CBR4: variants seen among roughly 807,000 people sequenced by gnomAD.
CBR4 encodes 3-oxoacyl-[acyl-carrier-protein] reductase.
In CBR4, 22 loss-of-function variants were observed where a neutral mutation model predicts 21.0. That is an observed-to-expected ratio of 1.05 (90% CI 0.75 to 1.50). The LOEUF is 1.50. Ranked by LOEUF, CBR4 falls within the 40% of genes most tolerant of loss-of-function variation. The probability of loss-of-function intolerance (pLI) is 0.00; values close to 1 mark genes in which losing one functional copy is unlikely to be tolerated. For missense variants in CBR4, 302 were observed against 286.3 expected, an observed-to-expected ratio of 1.05 and a Z score of -0.40; for synonymous variants, 100 against 104.4, an observed-to-expected ratio of 0.96 and a Z score of 0.26.
intron 2 of CBR4, chr4:168,925,121 A>G (rs754179548): frequency 6.2e-7 from 1 of 1,608,000 alleles, no homozygotes; most frequent in Non-Finnish European, 8.5e-7. Flanking sequence ...TACTCATTAA[A>G]TTATGAAAAA....
chr4:168,966,305 A>G (rs1384258765), intron 2 of CBR4, among the ~76,000 whole-genome samples: 3 of 142,018 alleles, frequency 2.1e-5, no homozygotes, highest in Non-Finnish European at 3.0e-5. Context: ...CGAGGTCAGG[A>G]GATCAAGACC....
At chr4:168,905,790 CTTTTTTTTT>C (rs59427697) in intron 2 of CBR4, among the ~76,000 whole-genome samples, 2 of 113,096 alleles carry the variant, frequency 1.8e-5, no homozygotes, top group Admixed American at 2.2e-4. Flanking sequence ...GCTTTTTTTT[CTTTTTTTTT>C]TTTTTTTTTT....
In CBR4 at chr4:169,003,734, G is replaced by A. The variant is rs181374028; in HGVS notation, c.401-1529C>T. ...CAATGACAGACTGGATTAAGAAAATGTGGCACATATACACCATGGAATACT... is the reference window on the plus strand; with the variant it reads ...CAATGACAGACTGGATTAAGAAAATATGGCACATATACACCATGGAATACT... On this transcript the variant is annotated intron_variant, in intron 3 of 4. Transcript: ENST00000306193. Among the ~76,000 whole-genome samples the A allele has an allele frequency of 3.0e-3, 464 of 152,264 alleles. 2 individuals are homozygous for A. The highest frequency in any genetic ancestry group is 0.01 in the African/African-American group (430 of 41,532).
chr4:168,956,379 G>A (rs1214378253), intron 2 of CBR4, among the ~76,000 whole-genome samples: 2 of 151,788 alleles, frequency 1.3e-5, no homozygotes, highest in African/African-American at 2.4e-5. Context: ...GCCAAGGCAG[G>A]AGCCTAGAAA....
chr4:169,010,191 A>G lies in CBR4; in HGVS notation c.-102T>C, dbSNP rs1429738465. The G allele has an allele frequency of 9.2e-7, 1 of 1,082,026 alleles. No individual in the cohort carries two copies. Among genetic ancestry groups the G allele is most frequent in the Non-Finnish European group, 1.3e-6 (1 of 791,462 alleles). The allele number at this position is 1,082,026 out of a possible 1,614,324, so 67.0% of individuals were successfully genotyped here. A position where few individuals can be genotyped will look rare whatever the true frequency, so the allele number is the denominator to read the frequency against. The stretch of plus-strand genomic sequence containing the variant: ...CCGCGGTTCCAAAAAAAAAAAAAAG[A>G]AAAAAAAAGGCAAACCGCAAAAAAA... On this transcript the variant is annotated 5_prime_UTR_variant, in exon 1 of 5. Coordinates refer to ENST00000306193, the MANE Select transcript of CBR4 (RefSeq NM_032783.5).
intron 2 of CBR4, among the ~76,000 whole-genome samples, chr4:168,953,630 C>T (rs1020733971): frequency 6.6e-6 from 1 of 151,306 alleles, no homozygotes; most frequent in Admixed American, 6.6e-5. Context: ...TCGTGTGTTG[C>T]CCAGGTTGGT....
chr4:168,955,399 A>T (rs546145492), intron 2 of CBR4, among the ~76,000 whole-genome samples: 1 of 152,346 alleles, frequency 6.6e-6, no homozygotes, highest in African/African-American at 2.4e-5. Context: ...AGAAAAGCTA[A>T]ATTTAAACAA....
chr4:168,931,064 G>A (rs1308932480), intron 2 of CBR4, among the ~76,000 whole-genome samples: 1 of 152,124 alleles, frequency 6.6e-6, no homozygotes, highest in East Asian at 1.9e-4. Context: ...TCAGAACCTG[G>A]GCCCAGGATT....
At chr4:168,926,730 A>G in intron 2 of CBR4, 1 of 307,040 alleles carries the variant, frequency 3.3e-6, no homozygotes, top group Non-Finnish European at 6.1e-6. Flanking sequence ...CACAAGATAT[A>G]GGTGCTGTGT....
intron 2 of CBR4, among the ~76,000 whole-genome samples, chr4:168,953,162 C>T (rs1763591140): frequency 6.6e-6 from 1 of 152,144 alleles, no homozygotes; most frequent in Non-Finnish European, 1.5e-5. Flanking sequence ...TAATGGCTGC[C>T]TCTGCTGAGT....
chr4:168,936,086 C>A (rs1163548140), intron 2 of CBR4, among the ~76,000 whole-genome samples: 1 of 152,194 alleles, frequency 6.6e-6, no homozygotes, highest in African/African-American at 2.4e-5. Context: ...GAGGAAAGAA[C>A]AGGCAGCAAT....
chr4:168,901,825 T>C (rs1002956155), intron 2 of CBR4, among the ~76,000 whole-genome samples: 14 of 152,078 alleles, frequency 9.2e-5, no homozygotes, highest in Non-Finnish European at 5.9e-5. Context: ...ACCACTGCAC[T>C]CTCTAGCCTG....
At chr4:168,986,959 TTAAA>T (rs1358786910), downstream of CBR4, among the ~76,000 whole-genome samples, 1 of 152,086 alleles carries the variant, frequency 6.6e-6, no homozygotes, top group Non-Finnish European at 1.5e-5. Context: ...ATTAATTTAA[TTAAA>T]TAAATAAATA....
chr4:168,899,203 A>G (rs1260032320), intron 2 of CBR4, among the ~76,000 whole-genome samples: 2 of 152,194 alleles, frequency 1.3e-5, no homozygotes, highest in African/African-American at 4.8e-5. Flanking sequence ...AATATTGTTT[A>G]GAACGGATAA....
chr4:168,895,056 G>T (rs1171044673), intron 2 of CBR4, among the ~76,000 whole-genome samples: 1 of 152,048 alleles, frequency 6.6e-6, no homozygotes, highest in Non-Finnish European at 1.5e-5. Context: ...TGAACAACAC[G>T]GGAGTTAGGG....
intron 2 of CBR4, among the ~76,000 whole-genome samples, chr4:168,929,223 A>T (rs749914963): frequency 6.6e-6 from 1 of 152,218 alleles, no homozygotes; most frequent in Non-Finnish European, 1.5e-5. Context: ...TCATATACAC[A>T]TATAGCATTA....
intron 2 of CBR4, among the ~76,000 whole-genome samples, chr4:168,953,834 G>T (rs773951964): frequency 6.6e-6 from 1 of 152,018 alleles, no homozygotes; most frequent in Non-Finnish European, 1.5e-5. Context: ...CAGAAGCTTG[G>T]AAAGTTAGAG....
intron 4 of CBR4, among the ~76,000 whole-genome samples, chr4:168,991,007 T>C (rs189053899): frequency 2.0e-5 from 3 of 152,078 alleles, no homozygotes; most frequent in East Asian, 2.0e-4. Flanking sequence ...TGAGCCGAGA[T>C]TGTGTCACTG....
intron 2 of CBR4, among the ~76,000 whole-genome samples, chr4:168,979,663 C>A (rs1764481877): frequency 6.6e-6 from 1 of 152,156 alleles, no homozygotes. Context: ...GGAGAGGAAC[C>A]AGTCTCTCTT....
Sources: gnomAD v4.1 joint callset for allele counts (sites outside exome capture counted in the v4.1 genomes callset) on GRCh38, gnomAD v4.1.1 for gene constraint, MANE v1.5 for transcripts, NCBI Gene and HGNC (gene_info 2026-07-23, HGNC 2026-07-21) for gene names.